The following CEP295 variants were observed in gnomAD, a reference collection of about 807,000 sequenced individuals.
CEP295 encodes the protein centrosomal protein of 295 kDa.
CEP295 carries 190 observed loss-of-function variants against 291.6 expected under a neutral mutation model. The observed-to-expected ratio is 0.65, with a 90% CI of 0.58 to 0.73. The LOEUF is 0.73. Ranked by LOEUF, CEP295 falls within the 30% of genes least tolerant of loss-of-function variation. The pLI is 0.00. For synonymous variants in CEP295, 993 were observed against 1,038.8 expected, an observed-to-expected ratio of 0.96 and a Z score of 0.85; for missense variants, 2,863 against 2,949.4, an observed-to-expected ratio of 0.97 and a Z score of 0.68.
intron 22 of CEP295, 87 bp downstream of exon 22, chr11:93,724,462 C>A (rs1953989088): frequency 7.7e-7 from 1 of 1,300,912 alleles, no homozygotes; most frequent in Non-Finnish European, 1.1e-6. Flanking sequence ...TTCTTCTAAA[C>A]CCTTACCTAG....
At chr11:93,723,511 T>C (rs987563814) in intron 21 of CEP295, 1 of 382,138 alleles carries the variant, frequency 2.6e-6, no homozygotes, top group Non-Finnish European at 4.8e-6. Flanking sequence ...TAGCAAATCT[T>C]CCTTTGCCAT....
intron 10 of CEP295, among the ~76,000 whole-genome samples, chr11:93,690,082 G>A (rs1951441767): frequency 6.6e-6 from 1 of 152,150 alleles, no homozygotes; most frequent in African/African-American, 2.4e-5. Flanking sequence ...TCCAAAAAAG[G>A]GAACTCTCAT....
intron 18 of CEP295, among the ~76,000 whole-genome samples, chr11:93,712,008 A>C (rs1952937863): frequency 6.6e-6 from 1 of 151,614 alleles, no homozygotes; most frequent in Non-Finnish European, 1.5e-5. Flanking sequence ...TTCTTTGTTG[A>C]TTTTCTGTCT....
Position 93,675,626 on chromosome 11 carries a change from A to G in CEP295, c.584A>G (p.His195Arg). 6.6e-7 allele frequency: 1 copy of G among 1,512,294 alleles called. No individual in the cohort carries two copies. The highest frequency in any genetic ancestry group is 8.8e-7 in the Non-Finnish European group (1 of 1,132,446). 93.7% of individuals were successfully genotyped at this position (1,512,294 alleles called of 1,614,324 possible). The part of the protein sequence containing the change: ...AVKTNSSTYH[H>R]LHTFVNRETD... Reference sequence around the variant, plus strand: ...AAAACCAATAGTTCTACCTACCATCATCTTCACACTTTTGTGAATAGAGAG... The same window carrying G: ...AAAACCAATAGTTCTACCTACCATCGTCTTCACACTTTTGTGAATAGAGAG... The change falls in exon 6 of 30, where the codon CAT becomes CGT. Residue 195 changes from histidine to arginine, a missense_variant. Around this residue, in one of 3 missense-constraint regions of CEP295, gnomAD observed 554 missense variants for 576.0 expected, o/e 0.96. Transcript: ENST00000325212.
intron 18 of CEP295, among the ~76,000 whole-genome samples, chr11:93,713,324 C>T (rs2135245830): frequency 6.6e-6 from 1 of 152,206 alleles, no homozygotes. Context: ...TTTTTTATTG[C>T]TTACTAATGT....
intron 1 of CEP295, among the ~76,000 whole-genome samples, chr11:93,663,962 T>TAA (rs1950102194): frequency 6.6e-6 from 1 of 152,204 alleles, no homozygotes; most frequent in Non-Finnish European, 1.5e-5. Flanking sequence ...AGCAAGCTTC[T>TAA]TTGTGCCATC....
chr11:93,701,383 G>A (rs1952147636), intron 15 of CEP295, among the ~76,000 whole-genome samples: 1 of 151,876 alleles, frequency 6.6e-6, no homozygotes, highest in African/African-American at 2.4e-5. Context: ...ATAAATGAAA[G>A]GCCACTTCCT....
intron 6 of CEP295, among the ~76,000 whole-genome samples, chr11:93,677,639 T>C (rs544545588): frequency 6.6e-6 from 1 of 152,314 alleles, no homozygotes; most frequent in East Asian, 1.9e-4. Flanking sequence ...AGCATTTTTT[T>C]CAAATGAACT....
At chr11:93,666,647 A>T in intron 1 of CEP295, 35 bp from the exon 2 acceptor site, 1 of 802,236 alleles carries the variant, frequency 1.2e-6, no homozygotes, top group Non-Finnish European at 2.0e-6. Context: ...TTAATGTTAC[A>T]TTATTTTTAT....
intron 1 of CEP295, among the ~76,000 whole-genome samples, chr11:93,662,326 T>G (rs1950029514): frequency 6.6e-6 from 1 of 152,202 alleles, no homozygotes; most frequent in Non-Finnish European, 1.5e-5. Flanking sequence ...ACAAACCTTT[T>G]GGGGTAGATA....
chr11:93,662,313 A>G (rs1435921373), intron 1 of CEP295, among the ~76,000 whole-genome samples: 2 of 152,374 alleles, frequency 1.3e-5, no homozygotes, highest in African/African-American at 2.4e-5. Flanking sequence ...CATAGACGTC[A>G]GAACAAACCT....
intron 11 of CEP295, 34 bp from the exon 12 acceptor site, chr11:93,691,893 T>C (rs1246242992): frequency 4.3e-6 from 6 of 1,400,914 alleles, no homozygotes; most frequent in Non-Finnish European, 5.9e-6. Context: ...TTCTAAATTA[T>C]TGAAACTAAT....
Position 93,727,058 on chromosome 11 carries a change from T to C in CEP295, c.6582T>C (p.Phe2194=), listed in dbSNP as rs1295333626. 5.8e-6 allele frequency: 9 copies of C among 1,551,642 alleles called. No individual in the cohort carries two copies. In the South Asian group the frequency reaches 1.1e-4, roughly 18 times the overall value. The change falls in exon 24 of 30, where the codon TTT becomes TTC. Residue 2194 remains phenylalanine (F), a synonymous_variant. Coordinates refer to ENST00000325212, the MANE Select transcript of CEP295 (RefSeq NM_033395.2). ...ESQHADLPSI[F]SIEARDSSQG... ...AGCATGCTGATCTACCAAGTATTTT[T>C]AGCATTGAAGCAAGAGATTCTTCCC...
chr11:93,664,099 G>A (rs1324416420), intron 1 of CEP295, among the ~76,000 whole-genome samples: 1 of 151,978 alleles, frequency 6.6e-6, no homozygotes, highest in Non-Finnish European at 1.5e-5. Flanking sequence ...TAAAAATTCA[G>A]CAATATTATG....
intron 23 of CEP295, among the ~76,000 whole-genome samples, chr11:93,726,314 A>G (rs1413511716): frequency 6.6e-6 from 1 of 152,112 alleles, no homozygotes; most frequent in Non-Finnish European, 1.5e-5. Flanking sequence ...TTCTATTTTT[A>G]GTATAGACAG....
Position 93,698,920 on chromosome 11 carries a change from G to A in CEP295, c.4008G>A (p.Arg1336=). ...TTCAGATCCCACAATTGCAGGATAG[G>A]CTTTTGAGGATATCGCAACTTATCC... The part of the protein sequence containing the change: ...SHLQIPQLQD[R]LLRISQLIQP... The change falls in exon 15 of 30, where the codon AGG becomes AGA. Residue 1336 remains arginine, a synonymous_variant. Coordinates refer to ENST00000325212, the MANE Select transcript of CEP295 (RefSeq NM_033395.2). 6.4e-7 allele frequency: 1 copy of A among 1,551,590 alleles called. No individual in the cohort carries two copies. The highest frequency in any genetic ancestry group is 1.4e-5 in the African/African-American group (1 of 73,158).
intron 18 of CEP295, among the ~76,000 whole-genome samples, chr11:93,710,022 T>C (rs1031837289): frequency 6.6e-6 from 1 of 152,220 alleles, no homozygotes; most frequent in African/African-American, 2.4e-5. Context: ...TTATCAGTTA[T>C]AATAGTTTTC....
At chr11:93,679,956 A>G (rs921686604) in intron 7 of CEP295, among the ~76,000 whole-genome samples, 2 of 152,180 alleles carry the variant, frequency 1.3e-5, no homozygotes, top group Non-Finnish European at 2.9e-5. Flanking sequence ...TAAAGTCATG[A>G]TCCTTGCTAC....
chr11:93,725,587 G>T, intron 22 of CEP295, 64 bp from the exon 23 acceptor site: 1 of 1,287,708 alleles, frequency 7.8e-7, no homozygotes, highest in South Asian at 1.6e-5. Flanking sequence ...GGAACACAAT[G>T]ATTATTGTTT....
Sources: allele counts gnomAD v4.1 joint callset (sites outside exome capture counted in the v4.1 genomes callset), GRCh38; gene constraint gnomAD v4.1.1; regional missense constraint gnomAD v4.1.1; transcripts MANE v1.5; gene names NCBI Gene and HGNC (gene_info 2026-07-23, HGNC 2026-07-21).